The following RTN4 variants were observed in gnomAD, a reference collection of about 807,000 sequenced individuals.
RTN4 encodes the protein reticulon-4.
In RTN4, 32 loss-of-function variants were observed where a neutral mutation model predicts 90.4. The observed-to-expected ratio is 0.35, with a 90% CI of 0.27 to 0.48. RTN4 has a LOEUF of 0.48. Ranked by LOEUF, RTN4 falls within the 20% of genes least tolerant of loss-of-function variation. RTN4 has a pLI of 0.99. For synonymous variants in RTN4, 629 were observed against 552.5 expected, an observed-to-expected ratio of 1.14 and a Z score of -1.94; for missense variants, 1,706 against 1,430.2, an observed-to-expected ratio of 1.19 and a Z score of -3.11.
intron 5 of RTN4, among the ~76,000 whole-genome samples, chr2:54,979,638 C>T (rs111498652): frequency 7.9e-5 from 12 of 152,178 alleles, no homozygotes; most frequent in African/African-American, 2.7e-4. Context: ...GGCAAAATCA[C>T]AAGGTTTATC....
chr2:55,120,780 T>C, the RTN4 span, among the ~76,000 whole-genome samples: 4 of 152,098 alleles, frequency 2.6e-5, no homozygotes, highest in Admixed American at 2.0e-4. Context: ...GGGAGGCGAC[T>C]GTCAGCAGCT....
chr2:55,069,877 A>T (rs1205608048), intron 2 of RTN4, among the ~76,000 whole-genome samples: 1 of 152,234 alleles, frequency 6.6e-6, no homozygotes, highest in Admixed American at 6.5e-5. Context: ...TACATGAATT[A>T]AGCCAAATGC....
intron 1 of RTN4, among the ~76,000 whole-genome samples, chr2:55,099,002 G>C (rs2105053791): frequency 6.6e-6 from 1 of 152,208 alleles, no homozygotes; most frequent in South Asian, 2.1e-4. Flanking sequence ...GGTCCGTACT[G>C]TTTGGTTGTC....
At chr2:55,044,354 G>T (rs1214944593) in intron 1 of RTN4, among the ~76,000 whole-genome samples, 2 of 151,982 alleles carry the variant, frequency 1.3e-5, no homozygotes, top group African/African-American at 2.4e-5. Flanking sequence ...TCATGCCACT[G>T]CACTCCAGCC....
intron 1 of RTN4, among the ~76,000 whole-genome samples, chr2:55,040,397 T>A (rs1318795879): frequency 3.3e-5 from 5 of 152,112 alleles, no homozygotes; most frequent in Non-Finnish European, 7.4e-5. Flanking sequence ...TAAATTCCCT[T>A]ATTTTCTGAG....
At chr2:55,112,058 A>T (rs1041042575) in intron 1 of RTN4, among the ~76,000 whole-genome samples, 7 of 152,122 alleles carry the variant, frequency 4.6e-5, no homozygotes, top group African/African-American at 1.7e-4. Flanking sequence ...CTTCCTATTA[A>T]ATGCTACCAA....
Position 54,997,713 on chromosome 2 carries a change from T to C in RTN4, c.3014-10015A>G, listed in dbSNP as rs543926751. ...TGCAGTAGTCCTCCCTTACCTGCAT[T>C]TTCCCTTTCCCTGGTTAGAGTTTCC... is the stretch of plus-strand genomic sequence containing the variant. On this transcript the variant is annotated intron_variant, in intron 3 of 8. Coordinates refer to ENST00000337526, the MANE Select transcript of RTN4 (RefSeq NM_020532.5). 2.0e-5 allele frequency among the ~76,000 whole-genome samples: 3 copies of C among 152,286 alleles called. No individual in the cohort carries two copies. In the East Asian group the frequency reaches 5.8e-4, roughly 29 times the overall value.
chr2:55,048,827 C>T (rs1243192900), intron 1 of RTN4, among the ~76,000 whole-genome samples: 1 of 152,128 alleles, frequency 6.6e-6, no homozygotes, highest in African/African-American at 2.4e-5. Flanking sequence ...GCAAGGAATC[C>T]ACAGGTTTTC....
intron 3 of RTN4, chr2:55,010,091 G>A (rs202006584): frequency 1.9e-6 from 3 of 1,613,372 alleles, no homozygotes; most frequent in East Asian, 2.2e-5. Context: ...ATATACCCTT[G>A]TCCTTCCAAT....
At chr2:55,117,808 G>C in the RTN4 span, among the ~76,000 whole-genome samples, 1 of 152,226 alleles carries the variant, frequency 6.6e-6, no homozygotes, top group African/African-American at 2.4e-5. Flanking sequence ...GAAGCCAGGA[G>C]AGTGATTACC....
At chr2:54,974,128 G>A (rs896481784) in intron 6 of RTN4, 4 of 387,944 alleles carry the variant, frequency 1.0e-5, no homozygotes, top group African/African-American at 2.1e-5. Flanking sequence ...ATAAAATAAA[G>A]GTATCCCTGG....
chr2:55,055,535 A>C (rs1206325007), upstream of RTN4, among the ~76,000 whole-genome samples: 1 of 152,180 alleles, frequency 6.6e-6, no homozygotes, highest in Admixed American at 6.5e-5. Context: ...TGGGAGGCCA[A>C]GGCAGGCGGA....
At chr2:54,994,567 T>G (rs189139573) in intron 3 of RTN4, among the ~76,000 whole-genome samples, 1 of 152,016 alleles carries the variant, frequency 6.6e-6, no homozygotes, top group Admixed American at 6.6e-5. Flanking sequence ...AGGAACAAAA[T>G]GGAACATTAT....
intron 1 of RTN4, among the ~76,000 whole-genome samples, chr2:55,091,251 C>G (rs1668930219): frequency 6.6e-6 from 1 of 152,184 alleles, no homozygotes; most frequent in South Asian, 2.1e-4. Flanking sequence ...CTAGGGGGCC[C>G]CACGTGATTG....
At chr2:55,082,466 C>T (rs1265709524) in intron 1 of RTN4, among the ~76,000 whole-genome samples, 2 of 152,174 alleles carry the variant, frequency 1.3e-5, no homozygotes, top group Non-Finnish European at 2.9e-5. Context: ...CCCAGCAAGC[C>T]CAGCCTTGGC....
intron 2 of RTN4, among the ~76,000 whole-genome samples, 197 bp from the exon 3 acceptor site, chr2:55,027,682 T>C (rs768186397): frequency 6.6e-6 from 1 of 151,828 alleles, no homozygotes; most frequent in Non-Finnish European, 1.5e-5. Context: ...ATATAACATA[T>C]GCATGGCTAC....
At chr2:54,973,503 TGTTCTCACAATCCAGC>T in intron 8 of RTN4, 44 bp downstream of exon 8, 1 of 1,299,268 alleles carries the variant, frequency 7.7e-7, no homozygotes, top group Admixed American at 1.7e-5. Context: ...ATGAAAATAC[TGTTCTCACAATCCAGC>T]ACACCTTATC....
upstream of RTN4, among the ~76,000 whole-genome samples, chr2:55,116,875 C>CTTTTT (rs67265925): frequency 7.9e-6 from 1 of 126,734 alleles, no homozygotes. Flanking sequence ...TCTTTTTTTC[C>CTTTTT]TTTTTTTTTT....
At chr2:55,080,248 G>A (rs1418683313) in intron 2 of RTN4, among the ~76,000 whole-genome samples, 1 of 151,884 alleles carries the variant, frequency 6.6e-6, no homozygotes, top group Non-Finnish European at 1.5e-5. Flanking sequence ...GAACTCCTGG[G>A]CTCAAGCGAT....
Sources: gnomAD v4.1 joint callset for allele counts (sites outside exome capture counted in the v4.1 genomes callset) on GRCh38, gnomAD v4.1.1 for gene constraint, MANE v1.5 for transcripts, NCBI Gene and HGNC (gene_info 2026-07-23, HGNC 2026-07-21) for gene names.